Variants in DTNBP1 observed in about 807,000 individuals in gnomAD.
DTNBP1 encodes the protein dystrobrevin binding protein 1, also known as dysbindin.
In DTNBP1, 35 loss-of-function variants were observed where a neutral mutation model predicts 42.8. The observed-to-expected ratio is 0.82, with a 90% confidence interval of 0.63 to 1.09. DTNBP1 has a LOEUF of 1.09. Ranked by LOEUF, DTNBP1 falls within the 50% of genes least tolerant of loss-of-function variation. DTNBP1 has a pLI of 0.00. For missense variants in DTNBP1, 457 were observed against 424.2 expected, an observed-to-expected ratio of 1.08 and a Z score of -0.68; for synonymous variants, 171 against 162.2, an observed-to-expected ratio of 1.05 and a Z score of -0.41.
intron 1 of DTNBP1, among the ~76,000 whole-genome samples, chr6:15,657,338 A>T (rs1761343335): frequency 6.6e-6 from 1 of 152,158 alleles, no homozygotes; most frequent in Non-Finnish European, 1.5e-5. Context: ...CTGGTATATG[A>T]CACCATTTAT....
chr6:15,649,843 C>A lies in DTNBP1; in HGVS notation c.161+1470G>T, dbSNP rs762409526. Among the ~76,000 whole-genome samples, 133 of 152,080 alleles carry A rather than the reference C, an allele frequency of 8.7e-4. No individual in the cohort carries two copies. In the Middle Eastern group the frequency reaches 0.01, roughly 12 times the overall value. On this transcript the variant is annotated intron_variant, in intron 3 of 9. Coordinates refer to ENST00000344537, the MANE Select transcript of DTNBP1 (RefSeq NM_032122.5). ...TGCAACCCTATCCCCAAAAAATGTA[C>A]CACACAAAAAGTTGATAGCTCTAAC...
chr6:15,638,578 T>C (rs970071652), intron 3 of DTNBP1, among the ~76,000 whole-genome samples: 5 of 152,150 alleles, frequency 3.3e-5, no homozygotes, highest in Non-Finnish European at 5.9e-5. Flanking sequence ...TATCTGCCCA[T>C]TGGATAATCA....
intron 6 of DTNBP1, among the ~76,000 whole-genome samples, chr6:15,608,490 C>G (rs1270481980): frequency 6.6e-6 from 1 of 152,196 alleles, no homozygotes; most frequent in Non-Finnish European, 1.5e-5. Context: ...ATGAATTGCT[C>G]TCTAGGATTG....
chr6:15,585,587 T>G, intron 7 of DTNBP1: 1 of 1,077,570 alleles, frequency 9.3e-7, no homozygotes, highest in East Asian at 2.8e-5. Context: ...CAAGTCAAGT[T>G]GAAATTTAAT....
chr6:15,585,582 C>A, intron 7 of DTNBP1: 1 of 1,020,142 alleles, frequency 9.8e-7, no homozygotes, highest in Non-Finnish European at 1.3e-6. Context: ...AGGTTCAAGT[C>A]AAGTTGAAAT....
chr6:15,550,980 A>G (rs1774180048), intron 7 of DTNBP1, among the ~76,000 whole-genome samples: 1 of 152,200 alleles, frequency 6.6e-6, no homozygotes, highest in Non-Finnish European at 1.5e-5. Context: ...CCAATTAGAG[A>G]TTACATGTTT....
chr6:15,616,298 C>A (rs1758710916), intron 5 of DTNBP1, among the ~76,000 whole-genome samples: 1 of 152,200 alleles, frequency 6.6e-6, no homozygotes, highest in Admixed American at 6.5e-5. Flanking sequence ...GAACTCAGAG[C>A]CTCATAACTA....
intron 6 of DTNBP1, among the ~76,000 whole-genome samples, chr6:15,594,384 C>T (rs1038881396): frequency 1.3e-5 from 2 of 150,586 alleles, no homozygotes; most frequent in African/African-American, 4.9e-5. Flanking sequence ...AGAATCACTT[C>T]AACCCAGGAA....
chr6:15,620,676 A>T (rs1263684053), intron 5 of DTNBP1, among the ~76,000 whole-genome samples: 2 of 152,234 alleles, frequency 1.3e-5, no homozygotes, highest in African/African-American at 4.8e-5. Context: ...TTGATTAGTG[A>T]TAAAAACTAG....
chr6:15,530,279 C>T (rs764599207), intron 8 of DTNBP1, among the ~76,000 whole-genome samples: 1 of 152,192 alleles, frequency 6.6e-6, no homozygotes, highest in South Asian at 2.1e-4. Context: ...CACAGACGTG[C>T]GATGAGATGC....
rs543572826 is a variant in DTNBP1 at position 15,571,101 on chromosome 6, G to A, written c.511+21958C>T. Among the ~76,000 whole-genome samples the A allele has an allele frequency of 5.9e-5, 9 of 152,226 alleles. No individual in the cohort carries two copies. In the East Asian group the frequency reaches 1.5e-3, roughly 26 times the overall value. On this transcript the variant is annotated intron_variant, in intron 7 of 9. Transcript: ENST00000344537. Reference sequence around the variant, plus strand: ...AGATACTTACAGAGGAAATGACATGGCATATGGAATCAGCTTTAAAATATC... The same window carrying A: ...AGATACTTACAGAGGAAATGACATGACATATGGAATCAGCTTTAAAATATC...
At chr6:15,613,537 T>C (rs1758551773) in intron 6 of DTNBP1, among the ~76,000 whole-genome samples, 2 of 151,638 alleles carry the variant, frequency 1.3e-5, no homozygotes. Context: ...CGGCTAATTT[T>C]TTGTATTTTT....
chr6:15,523,748 C>A, intron 9 of DTNBP1: 1 of 1,287,200 alleles, frequency 7.8e-7, no homozygotes, highest in Non-Finnish European at 1.0e-6. Context: ...TCACGCTGGT[C>A]TCCAGTATTC....
chr6:15,622,867 A>G (rs1476494864), intron 5 of DTNBP1, among the ~76,000 whole-genome samples: 2 of 152,222 alleles, frequency 1.3e-5, no homozygotes, highest in Non-Finnish European at 2.9e-5. Flanking sequence ...CCACTGATAT[A>G]TAAAGAATGA....
chr6:15,557,978 A>C (rs922445441), intron 7 of DTNBP1, among the ~76,000 whole-genome samples: 1 of 152,076 alleles, frequency 6.6e-6, no homozygotes, highest in Non-Finnish European at 1.5e-5. Context: ...TCATACAGGA[A>C]GCATTGTTAA....
At chr6:15,611,566 G>A (rs1364854878) in intron 6 of DTNBP1, among the ~76,000 whole-genome samples, 1 of 152,166 alleles carries the variant, frequency 6.6e-6, no homozygotes, top group African/African-American at 2.4e-5. Context: ...ACGGATCTAG[G>A]TCAACTGAAA....
At chr6:15,636,594 T>C (rs1011085698) in intron 4 of DTNBP1, among the ~76,000 whole-genome samples, 3 of 152,232 alleles carry the variant, frequency 2.0e-5, no homozygotes, top group African/African-American at 4.8e-5. Flanking sequence ...ACAGGTTTCC[T>C]TGTTGACTCC....
intron 3 of DTNBP1, among the ~76,000 whole-genome samples, chr6:15,648,238 A>C (rs958117101): frequency 6.6e-6 from 1 of 151,990 alleles, no homozygotes; most frequent in Non-Finnish European, 1.5e-5. Context: ...CTAAAGTAGA[A>C]GGGAACAATC....
At position 15,662,995 on chromosome 6, in the gene DTNBP1, C is replaced by G. The variant is rs1761745142; in HGVS notation, c.-126G>C. ...CCGCACTCCCACTACCGGCCCCGCCCCCGGTCTGGTCCTCGCCGCCGCGCC... is the reference window on the plus strand; with the variant it reads ...CCGCACTCCCACTACCGGCCCCGCCGCCGGTCTGGTCCTCGCCGCCGCGCC... On this transcript the variant is annotated 5_prime_UTR_variant, in exon 1 of 10. Transcript: ENST00000344537. 11 of 1,376,120 alleles carry G rather than the reference C, an allele frequency of 8.0e-6. No homozygotes were observed. Among genetic ancestry groups the G allele is most frequent in the Non-Finnish European group, 1.1e-5 (11 of 995,868 alleles). 85.2% of individuals were successfully genotyped at this position (1,376,120 alleles called of 1,614,324 possible).
Sources: allele counts gnomAD v4.1 joint callset (sites outside exome capture counted in the v4.1 genomes callset), GRCh38; gene constraint gnomAD v4.1.1; transcripts MANE v1.5; gene names NCBI Gene and HGNC (gene_info 2026-07-23, HGNC 2026-07-21).